NUS1: variants seen among roughly 807,000 people sequenced by gnomAD.
NUS1 encodes the protein NUS1 dehydrodolichyl diphosphate synthase subunit.
For synonymous variants in NUS1, 135 were observed against 155.2 expected, an observed-to-expected ratio of 0.87 and a Z score of 0.97; for missense variants, 292 against 382.9, an observed-to-expected ratio of 0.76 and a Z score of 1.98.
chr6:117,681,448 ACT>A (rs1451148208), intron 1 of NUS1, among the ~76,000 whole-genome samples: 4 of 152,134 alleles, frequency 2.6e-5, no homozygotes, highest in Non-Finnish European at 5.9e-5. Flanking sequence ...ACTGAGTTGC[ACT>A]CTCTGCTTCC....
At chr6:117,694,906 A>AT (rs1394111886) in intron 3 of NUS1, among the ~76,000 whole-genome samples, 1 of 152,140 alleles carries the variant, frequency 6.6e-6, no homozygotes, top group African/African-American at 2.4e-5. Context: ...TTAATCGTGC[A>AT]TTTTCAGGCT....
At chr6:117,703,550 G>A in intron 3 of NUS1, 55 bp from the exon 4 acceptor site, 2 of 1,188,804 alleles carry the variant, frequency 1.7e-6, no homozygotes, top group South Asian at 1.2e-5. Context: ...TTCTGTGTGT[G>A]TGTGTGTGCA....
intron 1 of NUS1, among the ~76,000 whole-genome samples, chr6:117,676,344 C>G (rs371601550): frequency 1.4e-3 from 211 of 152,276 alleles, no homozygotes; most frequent in African/African-American, 4.7e-3. Context: ...TTTGGGAGGC[C>G]GAGGCGGACG....
Position 117,710,239 on chromosome 6 carries a change from C to T in NUS1, c.*3224C>T, listed in dbSNP as rs1773556334. ...CTAACTTGAAGGTCTAATCATAAGA[C>T]AATTGTTTTTTTGTGCATAGTTTTC... On this transcript the variant is annotated 3_prime_UTR_variant, in exon 5 of 5. Coordinates refer to ENST00000368494, the MANE Select transcript of NUS1 (RefSeq NM_138459.5). The T allele has an allele frequency of 1.3e-5, 2 of 148,234 alleles. No individual in the cohort carries two copies. The highest frequency in any genetic ancestry group is 6.6e-5 in the Admixed American group (1 of 15,074). The allele number at this position is 148,234 out of a possible 1,614,324, so 9.2% of individuals were successfully genotyped here. A position where few individuals can be genotyped will look rare whatever the true frequency, so the allele number is the denominator to read the frequency against.
chr6:117,688,702 T>C (rs1211920390), intron 1 of NUS1, among the ~76,000 whole-genome samples: 1 of 152,224 alleles, frequency 6.6e-6, no homozygotes, highest in East Asian at 1.9e-4. Context: ...CACTCTCGGA[T>C]GCCTACAGAA....
chr6:117,706,858 C>A, intron 4 of NUS1, 67 bp from the exon 5 acceptor site: 2 of 1,269,070 alleles, frequency 1.6e-6, no homozygotes, highest in Non-Finnish European at 2.3e-6. Flanking sequence ...TGGTCCTTAT[C>A]TTCTGGTTCC....
chr6:117,705,643 T>C (rs1474956251), intron 4 of NUS1, among the ~76,000 whole-genome samples: 1 of 152,112 alleles, frequency 6.6e-6, no homozygotes, highest in Non-Finnish European at 1.5e-5. Flanking sequence ...GGTGGGGTTC[T>C]GACAGAACAG....
At chr6:117,679,739 C>G (rs1018354595) in intron 1 of NUS1, among the ~76,000 whole-genome samples, 8 of 152,182 alleles carry the variant, frequency 5.3e-5, no homozygotes, top group Non-Finnish European at 1.0e-4. Context: ...TTTCCAGAGA[C>G]TTGGCCAAAG....
At chr6:117,702,322 G>A (rs1000415046) in intron 3 of NUS1, among the ~76,000 whole-genome samples, 16 of 152,064 alleles carry the variant, frequency 1.1e-4, no homozygotes, top group Non-Finnish European at 1.9e-4. Flanking sequence ...CGTATCTTTT[G>A]GCAGCAAGTA....
chr6:117,676,124 C>G (rs1772976400), intron 1 of NUS1, 39 bp downstream of exon 1: 1 of 1,549,612 alleles, frequency 6.5e-7, no homozygotes, highest in Non-Finnish European at 8.7e-7. Context: ...GCCGAGGCGT[C>G]TTGGACCGCT....
intron 3 of NUS1, 34 bp downstream of exon 3, chr6:117,694,214 T>A: frequency 8.1e-7 from 1 of 1,229,206 alleles, no homozygotes; most frequent in Non-Finnish European, 1.1e-6. Context: ...CATATATATG[T>A]ATATGTATGT....
intron 1 of NUS1, among the ~76,000 whole-genome samples, chr6:117,681,460 C>A (rs1236785270): frequency 6.6e-6 from 1 of 152,130 alleles, no homozygotes; most frequent in East Asian, 1.9e-4. Flanking sequence ...TCTCTGCTTC[C>A]CAACACAATA....
intron 1 of NUS1, among the ~76,000 whole-genome samples, chr6:117,676,987 T>G (rs1295819390): frequency 1.3e-5 from 2 of 152,218 alleles, no homozygotes; most frequent in Non-Finnish European, 2.9e-5. Context: ...CCTTTCTGTC[T>G]TGGAAGGCTG....
chr6:117,699,340 A>G (rs1339589082), intron 3 of NUS1, among the ~76,000 whole-genome samples: 2 of 152,202 alleles, frequency 1.3e-5, no homozygotes, highest in African/African-American at 4.8e-5. Context: ...GCATTTCTAT[A>G]TGTCAATAGT....
chr6:117,693,081 T>C lies in NUS1; in HGVS notation c.455T>C (p.Ile152Thr). The stretch of plus-strand genomic sequence containing the variant: ...AATAATTCCAGATTGATGGATGAAA[T>C]TTTAAAACAACAGCAAGAACTTCTG... ...KRNNSRLMDE[I>T]LKQQQELLGL... is the part of the protein sequence containing the mutation. The change falls in exon 2 of 5, where the codon ATT (isoleucine) becomes ACT (threonine). Residue 152 changes from isoleucine to threonine, a missense_variant. By Grantham distance (89) the Ile-to-Thr change is moderately conservative. Coordinates refer to ENST00000368494, the MANE Select transcript of NUS1 (RefSeq NM_138459.5). 1 of 1,609,830 alleles carries C rather than the reference T, an allele frequency of 6.2e-7. No individual in the cohort carries two copies. Among genetic ancestry groups the C allele is most frequent in the South Asian group, 1.1e-5 (1 of 90,904 alleles).
At chr6:117,683,585 T>A (rs1466860647) in intron 1 of NUS1, among the ~76,000 whole-genome samples, 2 of 152,338 alleles carry the variant, frequency 1.3e-5, no homozygotes, top group African/African-American at 4.8e-5. Flanking sequence ...GAGATTACTT[T>A]AATTCCATAA....
chr6:117,683,334 A>T (rs1026640956), intron 1 of NUS1, among the ~76,000 whole-genome samples: 8 of 152,214 alleles, frequency 5.3e-5, no homozygotes, highest in Non-Finnish European at 8.8e-5. Context: ...TCCTGAAATA[A>T]AATAGCTTAA....
chr6:117,679,112 A>G (rs1773025322), intron 1 of NUS1, among the ~76,000 whole-genome samples: 1 of 152,230 alleles, frequency 6.6e-6, no homozygotes, highest in Non-Finnish European at 1.5e-5. Flanking sequence ...TGTCTCTTAA[A>G]GAGTTTCCAC....
intron 1 of NUS1, among the ~76,000 whole-genome samples, chr6:117,691,619 TTTGA>T (rs1356773915): frequency 1.4e-5 from 2 of 146,774 alleles, no homozygotes; most frequent in East Asian, 3.9e-4. Flanking sequence ...GTGATATAAT[TTTGA>T]TTGTTTAATT....
Sources: gnomAD v4.1 joint callset for allele counts (sites outside exome capture counted in the v4.1 genomes callset) on GRCh38, gnomAD v4.1.1 for gene constraint, MANE v1.5 for transcripts, NCBI Gene and HGNC (gene_info 2026-07-23, HGNC 2026-07-21) for gene names.